Variants in GALNT16 observed in about 807,000 individuals in gnomAD.
The protein encoded by GALNT16 is UDP-GalNAc:polypeptide N-acetylgalactosaminyltransferase-like protein 1.
In GALNT16, 40 loss-of-function variants were observed where a neutral mutation model predicts 76.1. The observed-to-expected ratio is 0.53, with a 90% CI of 0.41 to 0.68. GALNT16 has a LOEUF of 0.68. Ranked by LOEUF, GALNT16 falls within the 30% of genes least tolerant of loss-of-function variation. GALNT16 has a pLI of 0.00. For missense variants in GALNT16, 621 were observed against 731.9 expected, an observed-to-expected ratio of 0.85 and a Z score of 1.75; for synonymous variants, 276 against 285.2, an observed-to-expected ratio of 0.97 and a Z score of 0.32.
chr14:69,325,234 C>T, intron 3 of GALNT16, 103 bp from the exon 4 acceptor site: 1 of 776,882 alleles, frequency 1.3e-6, no homozygotes, highest in East Asian at 2.4e-5. Context: ...AGCATGCTGG[C>T]CCTGGAGCTG....
the GALNT16 span, among the ~76,000 whole-genome samples, chr14:69,366,132 T>G: frequency 6.6e-6 from 1 of 152,322 alleles, no homozygotes; most frequent in East Asian, 1.9e-4. Context: ...GGAAGAGCTT[T>G]CTGGGCAGAG....
rs890163789 is a variant in GALNT16, at chr14:69,328,694, C to T, written c.690+123C>T. 4.2e-6 allele frequency: 4 copies of T among 942,172 alleles called. No homozygotes were observed. In the South Asian group the frequency reaches 5.1e-5, roughly 12 times the overall value. The allele number at this position is 942,172 out of a possible 1,614,324, so 58.4% of individuals were successfully genotyped here. On this transcript the variant is annotated intron_variant, in intron 6 of 14. Coordinates refer to ENST00000448469, the MANE Select transcript of GALNT16 (RefSeq NM_001168368.2). ...CATCGTAGGAAGCCCAAATAGTCTA[C>T]TTCCCCCTGAGTGACTTCACCTTAT...
chr14:69,283,348 T>C (rs1395783895), intron 1 of GALNT16, among the ~76,000 whole-genome samples: 1 of 152,152 alleles, frequency 6.6e-6, no homozygotes, highest in African/African-American at 2.4e-5. Flanking sequence ...ACACAGTAAA[T>C]GTTGCCTGAA....
rs2045379458 is a variant in GALNT16 at position 69,333,323 on chromosome 14, A to C, written c.863+154A>C. ...TCGGACCCTGTATGCAGGGACAGCG[A>C]GGACAGAGGCCACGGGAACAGATGT... On this transcript the variant is annotated intron_variant, in intron 8 of 14. Transcript: ENST00000448469. This position sits in a 1 kb window ranked among gnomAD's most constrained non-coding sequence, Gnocchi z 4.2. The C allele has an allele frequency of 1.4e-6, 1 of 699,906 alleles. No individual in the cohort carries two copies. Among genetic ancestry groups the C allele is most frequent in the Admixed American group, 2.7e-5 (1 of 36,368 alleles). 43.4% of individuals were successfully genotyped at this position (699,906 alleles called of 1,614,324 possible). A position where few individuals can be genotyped will look rare whatever the true frequency, so the allele number is the denominator to read the frequency against.
rs1002994445 is a variant in GALNT16 at position 69,353,842 on chromosome 14, G to C, written c.*1674G>C. ...CCACCCCCTAATCTTCCTCCCTGGC[G>C]TGCTCAAACTGCCATCGCCTGCTCC... On this transcript the variant is annotated 3_prime_UTR_variant, in exon 15 of 15. Coordinates refer to ENST00000448469, the MANE Select transcript of GALNT16 (RefSeq NM_001168368.2). 6.6e-6 allele frequency: 1 copy of C among 152,490 alleles called. No individual in the cohort carries two copies. The highest frequency in any genetic ancestry group is 2.1e-4 in the South Asian group (1 of 4,828). The allele number at this position is 152,490 out of a possible 1,614,324, so 9.4% of individuals were successfully genotyped here.
chr14:69,339,668 C>A, intron 11 of GALNT16, 49 bp downstream of exon 11: 1 of 1,145,358 alleles, frequency 8.7e-7, no homozygotes, highest in Non-Finnish European at 1.3e-6. Context: ...CACATTAGCA[C>A]AACCCCAGCA....
the GALNT16 span, among the ~76,000 whole-genome samples, chr14:69,371,561 G>A: frequency 2.6e-5 from 4 of 151,852 alleles, no homozygotes; most frequent in Non-Finnish European, 5.9e-5. Context: ...CGGCCTAACA[G>A]CAATATTAAA....
At chr14:69,266,954 C>G (rs1292126887) in intron 1 of GALNT16, among the ~76,000 whole-genome samples, 1 of 152,216 alleles carries the variant, frequency 6.6e-6, no homozygotes, top group African/African-American at 2.4e-5. Flanking sequence ...AGGTGCTGGT[C>G]TTTAGCATCT....
At chr14:69,298,449 A>C (rs926658936) in intron 1 of GALNT16, 8 of 152,310 alleles carry the variant, frequency 5.3e-5, no homozygotes, top group African/African-American at 1.7e-4. Flanking sequence ...AGCTCTTCCA[A>C]CCTGTTGGTA....
chr14:69,322,925 GGTGTGTGTGTGTGTGTGTGTGTGT>G (rs766188989), intron 2 of GALNT16, among the ~76,000 whole-genome samples: 13 of 103,854 alleles, frequency 1.3e-4, no homozygotes, highest in African/African-American at 3.5e-4. Flanking sequence ...TGGCTCACGG[GGTGTGTGTGTGTGTGTGTGTGTGT>G]GTGTGTGTGT....
chr14:69,262,891 T>C (rs2044295060), intron 1 of GALNT16, among the ~76,000 whole-genome samples: 1 of 151,906 alleles, frequency 6.6e-6, no homozygotes, highest in South Asian at 2.1e-4. Flanking sequence ...TTCTTTTTTT[T>C]TTTTTTGAGA....
chr14:69,261,634 G>A lies in GALNT16; in HGVS notation c.177+1167G>A, dbSNP rs2044274828. On this transcript the variant is annotated intron_variant, in intron 1 of 14. Transcript: ENST00000448469. This position sits in a 1 kb window ranked among gnomAD's most constrained non-coding sequence, Gnocchi z 6.4. ...GGGGAGGTGCAAGGTCCGGAGGGCT[G>A]AGGCTTGTGTGGAGCCGAATCCGAG... Among the ~76,000 whole-genome samples, 1 of 152,182 alleles carries A rather than the reference G, an allele frequency of 6.6e-6. No individual in the cohort carries two copies. Among genetic ancestry groups the A allele is most frequent in the Non-Finnish European group, 1.5e-5 (1 of 68,026 alleles).
chr14:69,306,818 A>G (rs2044941794), intron 1 of GALNT16, among the ~76,000 whole-genome samples: 1 of 152,248 alleles, frequency 6.6e-6, no homozygotes, highest in South Asian at 2.1e-4. Context: ...GCCAAAGGAT[A>G]AAACACTAGA....
At chr14:69,377,877 A>G in the GALNT16 span, among the ~76,000 whole-genome samples, 6 of 151,466 alleles carry the variant, frequency 4.0e-5, no homozygotes, top group African/African-American at 1.5e-4. Flanking sequence ...TAGTAACATT[A>G]ATCAATTTAT....
chr14:69,282,615 C>T (rs539707276), intron 1 of GALNT16, among the ~76,000 whole-genome samples: 1 of 151,464 alleles, frequency 6.6e-6, no homozygotes. Context: ...GTGCAGGCCC[C>T]GTATCTGCTC....
At chr14:69,337,619 T>C (rs1208837375) in intron 9 of GALNT16, among the ~76,000 whole-genome samples, 1 of 152,202 alleles carries the variant, frequency 6.6e-6, no homozygotes. Flanking sequence ...AAGGGACGGA[T>C]GCCTGGCAGT....
chr14:69,327,756 G>T (rs1566882164), intron 5 of GALNT16, among the ~76,000 whole-genome samples: 1 of 152,220 alleles, frequency 6.6e-6, no homozygotes, highest in Non-Finnish European at 1.5e-5. Context: ...GGCAGGAGAA[G>T]CTGGGCCTCC....
intron 1 of GALNT16, among the ~76,000 whole-genome samples, chr14:69,274,816 T>C (rs1037198085): frequency 1.3e-5 from 2 of 152,114 alleles, no homozygotes; most frequent in African/African-American, 4.8e-5. Context: ...TCTGGTACTT[T>C]CCCCCTTGAC....
intron 1 of GALNT16, among the ~76,000 whole-genome samples, chr14:69,274,553 G>A (rs2044447185): frequency 6.6e-6 from 1 of 152,148 alleles, no homozygotes. Flanking sequence ...AGTTCTCCAC[G>A]TGGGTCTCCA....
Sources: gnomAD v4.1 joint callset for allele counts (sites outside exome capture counted in the v4.1 genomes callset) on GRCh38, gnomAD v4.1.1 for gene constraint, Gnocchi (gnomAD v3.1) non-coding constraint, MANE v1.5 for transcripts, NCBI Gene and HGNC (gene_info 2026-07-23, HGNC 2026-07-21) for gene names.